Variants in NLK observed in about 807,000 individuals in gnomAD.
NLK encodes nemo like kinase.
In NLK, 11 loss-of-function variants were observed where a neutral mutation model predicts 59.0. The observed-to-expected ratio is 0.19, with a 90% CI of 0.12 to 0.31. The LOEUF (loss-of-function observed/expected upper bound fraction) is 0.31. Ranked by LOEUF, NLK falls within the 10% of genes least tolerant of loss-of-function variation. The probability of loss-of-function intolerance (pLI) is 1.00; values close to 1 mark genes in which losing one functional copy is unlikely to be tolerated. For missense variants in NLK, 410 were observed against 661.1 expected (o/e 0.62, Z 4.16); for synonymous variants, 235 against 235.9 (o/e 1.00, Z 0.03).
chr17:28,172,523 T>C lies in NLK; in HGVS notation c.1054T>C (p.Leu352=). The C allele has an allele frequency of 6.4e-7, 1 of 1,573,962 alleles. No individual in the cohort carries two copies. The highest frequency in any genetic ancestry group is 8.6e-7 in the Non-Finnish European group (1 of 1,161,532). ...QAQSPIQQLD[L]ITDLLGTPSL... The stretch of plus-strand genomic sequence containing the variant: ...GTATTTTATTTCCTTGTAGTTGGAT[T>C]TGATCACGGATCTGTTGGGCACACC... Residue 352 remains leucine (L), a synonymous_variant, in exon 7 of 11, where the codon TTG becomes CTG. Transcript: ENST00000407008.
At chr17:28,122,846 A>G in intron 2 of NLK, 114 bp downstream of exon 2, 4 of 1,138,620 alleles carry the variant, frequency 3.5e-6, no homozygotes, top group Admixed American at 2.1e-5. Context: ...GAAATTGGCT[A>G]TAGTTTTATG....
intron 1 of NLK, among the ~76,000 whole-genome samples, chr17:28,094,153 GATTAT>G (rs951171682): frequency 1.3e-5 from 2 of 152,160 alleles, no homozygotes; most frequent in Non-Finnish European, 2.9e-5. Flanking sequence ...ATTCATGAGA[GATTAT>G]ATTAAGCTCT....
Position 28,155,463 on chromosome 17 carries a change from A to G in NLK, c.645-5697A>G, listed in dbSNP as rs181779707. Among the ~76,000 whole-genome samples, 515 of 152,318 alleles carry G rather than the reference A, an allele frequency of 3.4e-3. 3 individuals are homozygous for G. Among genetic ancestry groups the G allele is most frequent in the African/African-American group, 0.012 (486 of 41,554 alleles). On this transcript the variant is annotated intron_variant, in intron 3 of 10. Coordinates refer to ENST00000407008, the MANE Select transcript of NLK (RefSeq NM_016231.5). ...CCAAAGGATTATAAATCATGCAGCT[A>G]TAAAGACATATGCACACGTATGTTT...
At chr17:28,137,192 T>C (rs2142025770) in intron 3 of NLK, among the ~76,000 whole-genome samples, 1 of 152,284 alleles carries the variant, frequency 6.6e-6, no homozygotes, top group East Asian at 1.9e-4. Context: ...CTACAGATTT[T>C]ACAGTAGATA....
intron 7 of NLK, among the ~76,000 whole-genome samples, chr17:28,177,536 A>G (rs1908732239): frequency 6.6e-6 from 1 of 152,218 alleles, no homozygotes; most frequent in Non-Finnish European, 1.5e-5. Flanking sequence ...CTTCCATGCC[A>G]GGAATCTGAC....
rs199656478 is a variant in NLK at position 28,175,291 on chromosome 17, CA to C, written c.1149+2685del. On this transcript the variant is annotated intron_variant, in intron 7 of 10. Transcript: ENST00000407008. ...AAACCCCGTCTCTACTAAAAAAATA[CA>C]AAAAAAAAAAATTTAGCCAGGCGTG... Among the ~76,000 whole-genome samples, 1,053 of 140,852 alleles carry C rather than the reference CA, an allele frequency of 7.5e-3. 17 individuals are homozygous for C. The highest frequency in any genetic ancestry group is 0.024 in the African/African-American group (924 of 38,586). 92.4% of individuals were successfully genotyped at this position (140,852 alleles called of 152,430 possible).
chr17:28,066,147 C>T (rs1309930384), intron 1 of NLK, among the ~76,000 whole-genome samples: 1 of 152,118 alleles, frequency 6.6e-6, no homozygotes, highest in Non-Finnish European at 1.5e-5. Flanking sequence ...AACCTCTGCC[C>T]CTCTCCCTTT....
chr17:28,119,660 A>C (rs1464880197), intron 1 of NLK, among the ~76,000 whole-genome samples: 1 of 152,224 alleles, frequency 6.6e-6, no homozygotes, highest in Non-Finnish European at 1.5e-5. Context: ...GGCAAAAATC[A>C]TGAGGGGATA....
chr17:28,159,302 T>C (rs892332871), intron 3 of NLK, among the ~76,000 whole-genome samples: 1 of 152,226 alleles, frequency 6.6e-6, no homozygotes, highest in African/African-American at 2.4e-5. Flanking sequence ...TGACATAATT[T>C]GGCCTTCATC....
At chr17:28,188,077 C>T (rs1909184645) in intron 8 of NLK, among the ~76,000 whole-genome samples, 1 of 152,050 alleles carries the variant, frequency 6.6e-6, no homozygotes, top group Admixed American at 6.6e-5. Context: ...GTAGCACATG[C>T]CTGTAGTTCC....
intron 8 of NLK, among the ~76,000 whole-genome samples, chr17:28,189,178 C>G (rs2079518472): frequency 6.6e-6 from 1 of 152,076 alleles, no homozygotes; most frequent in African/African-American, 2.4e-5. Flanking sequence ...TCTATCTTCC[C>G]CAAGCATATC....
intron 1 of NLK, among the ~76,000 whole-genome samples, chr17:28,045,560 C>G (rs1909022064): frequency 2.0e-5 from 3 of 152,064 alleles, no homozygotes. Flanking sequence ...GTGTTTTCAT[C>G]AGCTGTTACA....
chr17:28,182,863 T>G (rs1908965593), intron 7 of NLK, among the ~76,000 whole-genome samples: 1 of 152,232 alleles, frequency 6.6e-6, no homozygotes, highest in Non-Finnish European at 1.5e-5. Flanking sequence ...CTTTTTAAAT[T>G]GTTTTTCAAA....
chr17:28,144,148 C>T (rs1230423925), intron 3 of NLK, among the ~76,000 whole-genome samples: 2 of 152,086 alleles, frequency 1.3e-5, no homozygotes, highest in Admixed American at 1.3e-4. Context: ...GCCTGAGATC[C>T]CAAGAACCAC....
At chr17:28,149,884 C>T (rs1907410756) in intron 3 of NLK, among the ~76,000 whole-genome samples, 1 of 152,130 alleles carries the variant, frequency 6.6e-6, no homozygotes, top group African/African-American at 2.4e-5. Context: ...AGTGACTTCT[C>T]ATTTGGAAAA....
chr17:28,156,166 A>C (rs1349506001), intron 3 of NLK, among the ~76,000 whole-genome samples: 2 of 152,180 alleles, frequency 1.3e-5, no homozygotes, highest in African/African-American at 4.8e-5. Context: ...AAAATATAAG[A>C]GCCAGTAGTA....
At chr17:28,071,130 A>C (rs992713854) in intron 1 of NLK, among the ~76,000 whole-genome samples, 1 of 152,356 alleles carries the variant, frequency 6.6e-6, no homozygotes. Context: ...TGATAATCAA[A>C]AAATGTCTAC....
chr17:28,114,690 G>A (rs187640550), intron 1 of NLK, among the ~76,000 whole-genome samples: 2 of 152,154 alleles, frequency 1.3e-5, no homozygotes, highest in East Asian at 3.9e-4. Context: ...TGCTTTTCAT[G>A]TTTATATCTA....
chr17:28,098,841 C>A (rs1300000935), intron 1 of NLK, among the ~76,000 whole-genome samples: 13 of 152,030 alleles, frequency 8.6e-5, no homozygotes, highest in Non-Finnish European at 4.4e-5. Context: ...CGCCACGACG[C>A]TCGGCTAATT....
Sources: allele counts gnomAD v4.1 joint callset (sites outside exome capture counted in the v4.1 genomes callset), GRCh38; gene constraint gnomAD v4.1.1; transcripts MANE v1.5; gene names NCBI Gene and HGNC (gene_info 2026-07-23, HGNC 2026-07-21).